The following SMYD1 variants were observed in gnomAD, a reference collection of about 807,000 sequenced individuals.
SMYD1 encodes the protein SET and MYND domain containing 1, also known as histone-lysine N-methyltransferase SMYD1.
Under a neutral mutation model 54.0 loss-of-function variants are expected in SMYD1, and 49 were observed. The ratio of observed to expected loss-of-function variants is 0.91; its 90% CI spans 0.72 to 1.15. SMYD1 has a LOEUF of 1.15. Among genes scored for constraint, SMYD1 ranks in the 50% most tolerant of loss-of-function variants. The pLI is 0.00. For missense variants in SMYD1, 653 were observed against 639.6 expected (o/e 1.02, Z -0.23); for synonymous variants, 269 against 234.2 (o/e 1.15, Z -1.36).
Position 88,108,522 on chromosome 2 carries a change from A to G in SMYD1, c.1297A>G (p.Ile433Val). Residue 433 changes from isoleucine (I) to valine (V), a missense_variant, in exon 9 of 10, where the codon ATC (isoleucine) becomes GTC (valine). Coordinates refer to ENST00000419482, the MANE Select transcript of SMYD1 (RefSeq NM_198274.4). Reference sequence around the variant, plus strand: ...GGTGACACACGGACCCTCCCACCCCATCACTAAGGACTTAGAGGCAAGTAG... The same window carrying G: ...GGTGACACACGGACCCTCCCACCCCGTCACTAAGGACTTAGAGGCAAGTAG... ...LLVTHGPSHP[I>V]TKDLEAMRVQ... The G allele has an allele frequency of 6.3e-7, 1 of 1,596,148 alleles. No homozygotes were observed. Among genetic ancestry groups the G allele is most frequent in the Admixed American group, 1.7e-5 (1 of 57,542 alleles).
In SMYD1 at chr2:88,100,065, C is replaced by T. The variant is rs113500277; in HGVS notation, c.889-2993C>T. Among the ~76,000 whole-genome samples the T allele has an allele frequency of 5.9e-3, 897 of 151,944 alleles. 10 individuals carry two copies. Among genetic ancestry groups the T allele is most frequent in the African/African-American group, 0.021 (862 of 41,410 alleles). ...TCCTATGCCTCTGGCTCCTCCCCCCCTCTTCCTCCTTGTTTTCTGTAGAAT... is the reference window on the plus strand; with the variant it reads ...TCCTATGCCTCTGGCTCCTCCCCCCTTCTTCCTCCTTGTTTTCTGTAGAAT... On this transcript the variant is annotated intron_variant, in intron 6 of 9. Transcript: ENST00000419482.
Position 88,108,508 on chromosome 2 carries a change from G to A in SMYD1, c.1283G>A (p.Gly428Glu). 4 of 1,607,296 alleles carry A rather than the reference G, an allele frequency of 2.5e-6. No individual in the cohort carries two copies. Among genetic ancestry groups the A allele is most frequent in the Admixed American group, 1.7e-5 (1 of 59,244 alleles). ...TATGCCATTCTCCTGGTGACACACG[G>A]ACCCTCCCACCCCATCACTAAGGAC... is the stretch of plus-strand genomic sequence containing the variant. The part of the protein sequence containing the change: ...KAYAILLVTH[G>E]PSHPITKDLE... Residue 428 changes from glycine (G) to glutamate (E), a missense_variant, in exon 9 of 10, where the codon GGA (glycine) becomes GAA (glutamate). Physicochemically the swap from Gly to Glu is moderately conservative, Grantham distance 98. Transcript: ENST00000419482.
chr2:88,089,271 A>G (rs1359411793), intron 3 of SMYD1, among the ~76,000 whole-genome samples: 1 of 152,168 alleles, frequency 6.6e-6, no homozygotes, highest in African/African-American at 2.4e-5. Flanking sequence ...GCTTTACTCA[A>G]ACTCCACCAA....
At chr2:88,094,903 C>A (rs1172622227) in intron 5 of SMYD1, among the ~76,000 whole-genome samples, 1 of 152,152 alleles carries the variant, frequency 6.6e-6, no homozygotes, top group Non-Finnish European at 1.5e-5. Flanking sequence ...GTTTCTCACA[C>A]AGAATTATTA....
chr2:88,092,298 G>A (rs1341065057), intron 4 of SMYD1, among the ~76,000 whole-genome samples: 2 of 152,146 alleles, frequency 1.3e-5, no homozygotes, highest in African/African-American at 4.8e-5. Flanking sequence ...TGATGGATTT[G>A]GGGGTGGGGT....
chr2:88,089,384 T>C, intron 3 of SMYD1, among the ~76,000 whole-genome samples: 1 of 152,170 alleles, frequency 6.6e-6, no homozygotes, highest in East Asian at 1.9e-4. Context: ...GCACACAAAA[T>C]TAACCACCAC....
intron 6 of SMYD1, among the ~76,000 whole-genome samples, chr2:88,099,027 A>T (rs1215059220): frequency 1.3e-5 from 2 of 152,122 alleles, no homozygotes; most frequent in Non-Finnish European, 2.9e-5. Flanking sequence ...GTGTCTCTGG[A>T]CTGTCTTTGT....
At chr2:88,088,155 C>T in intron 3 of SMYD1, 80 bp downstream of exon 3, 1 of 1,435,300 alleles carries the variant, frequency 7.0e-7, no homozygotes, top group Non-Finnish European at 9.4e-7. Context: ...GAGGGTGGGG[C>T]TTCTCAGAAG....
intron 1 of SMYD1, among the ~76,000 whole-genome samples, chr2:88,076,068 G>T (rs1674055250): frequency 2.0e-5 from 3 of 152,072 alleles, no homozygotes; most frequent in Non-Finnish European, 4.4e-5. Context: ...TTTCTAGATT[G>T]CCTCTCCTAC....
At chr2:88,101,691 C>T (rs1321659627) in intron 6 of SMYD1, among the ~76,000 whole-genome samples, 1 of 150,528 alleles carries the variant, frequency 6.6e-6, no homozygotes, top group East Asian at 2.0e-4. Flanking sequence ...CTGCAACCTC[C>T]GCTTCCCAGG....
intron 6 of SMYD1, among the ~76,000 whole-genome samples, chr2:88,099,162 C>CT (rs1181157701): frequency 6.6e-6 from 1 of 152,098 alleles, no homozygotes; most frequent in Non-Finnish European, 1.5e-5. Context: ...TCTCAGCTCA[C>CT]TGCAGCCTCG....
chr2:88,084,097 T>A (rs1573107067), intron 1 of SMYD1, among the ~76,000 whole-genome samples: 1 of 151,186 alleles, frequency 6.6e-6, no homozygotes, highest in Admixed American at 6.6e-5. Flanking sequence ...GCAACAAGAG[T>A]GAAACTCTGT....
Position 88,106,456 on chromosome 2 carries a change from G to A in SMYD1, c.1113G>A (p.Ser371=), listed in dbSNP as rs139657612. 4.8e-4 allele frequency: 781 copies of A among 1,614,136 alleles called. 6 individuals are homozygous for A. In the East Asian group the frequency reaches 0.016, roughly 32 times the overall value. The stretch of plus-strand genomic sequence containing the variant: ...ACCTCCAGGCCTTTGAGGAGGCCTC[G>A]TTCTATGCCAGGAGGATGGTGGACG... ...LSYLQAFEEA[S]FYARRMVDGY... Residue 371 remains serine (S), a synonymous_variant, in exon 8 of 10, where the codon TCG becomes TCA. Coordinates refer to ENST00000419482, the MANE Select transcript of SMYD1 (RefSeq NM_198274.4).
At chr2:88,098,758 G>A (rs1674658056) in intron 6 of SMYD1, among the ~76,000 whole-genome samples, 1 of 152,088 alleles carries the variant, frequency 6.6e-6, no homozygotes, top group South Asian at 2.1e-4. Context: ...TGTAAAATGG[G>A]GAGTTGGACT....
At chr2:88,069,129 A>C (rs1250959838) in intron 1 of SMYD1, among the ~76,000 whole-genome samples, 1 of 152,146 alleles carries the variant, frequency 6.6e-6, no homozygotes, top group Non-Finnish European at 1.5e-5. Context: ...ACAAACCTAC[A>C]TGGTGATTAC....
At chr2:88,087,549 C>A (rs546759785) in intron 2 of SMYD1, among the ~76,000 whole-genome samples, 2 of 152,280 alleles carry the variant, frequency 1.3e-5, no homozygotes, top group African/African-American at 4.8e-5. Context: ...CTCCTCCACC[C>A]CTTCCAATTC....
At chr2:88,104,680 A>G (rs1398727995) in intron 7 of SMYD1, among the ~76,000 whole-genome samples, 1 of 152,258 alleles carries the variant, frequency 6.6e-6, no homozygotes, top group Non-Finnish European at 1.5e-5. Flanking sequence ...GGGTTGCCTC[A>G]TGAACTCTGG....
chr2:88,105,708 T>C (rs1327799169), intron 7 of SMYD1, among the ~76,000 whole-genome samples: 1 of 152,062 alleles, frequency 6.6e-6, no homozygotes, highest in African/African-American at 2.4e-5. Context: ...GAGGCTGAGG[T>C]GGGCGGATTG....
At chr2:88,070,438 C>T (rs988008750) in intron 1 of SMYD1, among the ~76,000 whole-genome samples, 1 of 151,244 alleles carries the variant, frequency 6.6e-6, no homozygotes, top group East Asian at 1.9e-4. Context: ...AAAATTAATT[C>T]TTTCAAACAG....
Sources: allele counts gnomAD v4.1 joint callset (sites outside exome capture counted in the v4.1 genomes callset), GRCh38; gene constraint gnomAD v4.1.1; transcripts MANE v1.5; gene names NCBI Gene and HGNC (gene_info 2026-07-23, HGNC 2026-07-21).